Variants in STK32A observed in about 807,000 individuals in gnomAD.
STK32A encodes the protein serine/threonine kinase 32A.
Under a neutral mutation model 53.2 loss-of-function variants are expected in STK32A, and 41 were observed. The ratio of observed to expected loss-of-function variants is 0.77; its 90% confidence interval spans 0.60 to 1.00. The LOEUF (loss-of-function observed/expected upper bound fraction) is 1.00. STK32A is among the 50% of genes least tolerant of loss of function. STK32A has a pLI of 0.00. For synonymous variants in STK32A, 166 were observed against 162.8 expected (o/e 1.02, Z -0.15); for missense variants, 458 against 485.8 (o/e 0.94, Z 0.54).
intron 4 of STK32A, among the ~76,000 whole-genome samples, chr5:147,304,579 C>T (rs55668100): frequency 2.0e-5 from 3 of 152,020 alleles, no homozygotes; most frequent in Admixed American, 1.3e-4. Context: ...GGGAAAGAGA[C>T]TAGATGGAAC....
At chr5:147,343,904 T>C (rs903620196) in intron 6 of STK32A, among the ~76,000 whole-genome samples, 1 of 152,234 alleles carries the variant, frequency 6.6e-6, no homozygotes, top group Non-Finnish European at 1.5e-5. Context: ...AAGATGGTGA[T>C]AAGTGAATGC....
chr5:147,355,617 G>A (rs764578778), intron 7 of STK32A, among the ~76,000 whole-genome samples: 1 of 152,032 alleles, frequency 6.6e-6, no homozygotes, highest in Non-Finnish European at 1.5e-5. Context: ...GGCGGAGCTC[G>A]CAGTGAGCAG....
chr5:147,279,832 C>T (rs1460322600), intron 4 of STK32A, among the ~76,000 whole-genome samples: 3 of 152,106 alleles, frequency 2.0e-5, no homozygotes, highest in African/African-American at 7.2e-5. Flanking sequence ...TGATGAGGTC[C>T]TAGGTGAAAC....
At chr5:147,297,011 C>A (rs574546532) in intron 4 of STK32A, among the ~76,000 whole-genome samples, 2 of 152,188 alleles carry the variant, frequency 1.3e-5, no homozygotes, top group Non-Finnish European at 2.9e-5. Flanking sequence ...GAGGGCCTAT[C>A]TTTTATAAAT....
chr5:147,264,278 G>A (rs752410402), intron 2 of STK32A, among the ~76,000 whole-genome samples: 23 of 152,206 alleles, frequency 1.5e-4, no homozygotes, highest in Non-Finnish European at 3.2e-4. Context: ...ACCCCAGGGT[G>A]ATGGTGAAGG....
At chr5:147,323,764 T>C (rs1028800758) in intron 4 of STK32A, 134 bp from the exon 5 acceptor site, 2 of 682,468 alleles carry the variant, frequency 2.9e-6, no homozygotes, top group African/African-American at 3.6e-5. Context: ...GAGCTAGTGA[T>C]AGACCACCTA....
At chr5:147,281,397 A>T (rs923082277) in intron 4 of STK32A, among the ~76,000 whole-genome samples, 1 of 152,118 alleles carries the variant, frequency 6.6e-6, no homozygotes, top group East Asian at 1.9e-4. Context: ...GCAAATAGAT[A>T]GCTTAAAGAA....
intron 4 of STK32A, among the ~76,000 whole-genome samples, chr5:147,300,670 A>G (rs1037397290): frequency 6.6e-6 from 1 of 152,206 alleles, no homozygotes; most frequent in Admixed American, 6.5e-5. Flanking sequence ...ATACCCTCAT[A>G]TAATCATATG....
intron 2 of STK32A, among the ~76,000 whole-genome samples, chr5:147,260,240 GTCTCTC>G (rs1171109459): frequency 1.6e-5 from 1 of 64,372 alleles, no homozygotes; most frequent in African/African-American, 7.0e-5. Context: ...CTCTGTCTCT[GTCTCTC>G]TCTCTCTCCT....
chr5:147,251,454 G>A (rs1045411683), intron 2 of STK32A, among the ~76,000 whole-genome samples: 10 of 152,182 alleles, frequency 6.6e-5, no homozygotes, highest in Non-Finnish European at 1.3e-4. Flanking sequence ...CTGGACAGAG[G>A]CACAGGAAGA....
chr5:147,257,492 A>G (rs2151944954), intron 2 of STK32A, among the ~76,000 whole-genome samples: 1 of 152,322 alleles, frequency 6.6e-6, no homozygotes, highest in Middle Eastern at 3.4e-3. Flanking sequence ...ATGGTCAGCA[A>G]TAGAGCCAGT....
chr5:147,262,590 A>AG (rs1371661912), intron 2 of STK32A, among the ~76,000 whole-genome samples: 69 of 85,286 alleles, frequency 8.1e-4, no homozygotes, highest in African/African-American at 2.2e-3. Context: ...GATCAGGAAA[A>AG]AACAAAACAA....
intron 9 of STK32A, among the ~76,000 whole-genome samples, chr5:147,372,194 T>A (rs1465201586): frequency 1.3e-5 from 2 of 148,736 alleles, no homozygotes; most frequent in Non-Finnish European, 3.0e-5. Flanking sequence ...AGAACAGTTA[T>A]AGCGGGAGGT....
chr5:147,389,224 C>T (rs1283107364), downstream of STK32A, among the ~76,000 whole-genome samples: 1 of 152,210 alleles, frequency 6.6e-6, no homozygotes, highest in Non-Finnish European at 1.5e-5. Context: ...CCCGTCCCAA[C>T]TTCCACATCA....
chr5:147,255,751 A>G (rs1206767137), intron 2 of STK32A, among the ~76,000 whole-genome samples: 3 of 152,208 alleles, frequency 2.0e-5, no homozygotes, highest in Non-Finnish European at 4.4e-5. Flanking sequence ...TTCCATTAAC[A>G]GCATCTCTAG....
intron 4 of STK32A, among the ~76,000 whole-genome samples, chr5:147,292,899 G>T (rs1006076315): frequency 1.3e-5 from 2 of 152,054 alleles, no homozygotes; most frequent in African/African-American, 4.8e-5. Flanking sequence ...TATCAGTTCA[G>T]TTCCATGTAG....
At chr5:147,239,953 T>G in intron 2 of STK32A, 1 of 406,228 alleles carries the variant, frequency 2.5e-6, no homozygotes, top group East Asian at 4.4e-5. Context: ...TGGTGGATAG[T>G]TAAATGATTT....
chr5:147,337,340 A>G (rs1307918282), intron 5 of STK32A, among the ~76,000 whole-genome samples: 3 of 152,142 alleles, frequency 2.0e-5, no homozygotes, highest in Non-Finnish European at 4.4e-5. Flanking sequence ...ACAGGCATAA[A>G]TCACTTCTTA....
intron 11 of STK32A, 88 bp downstream of exon 11, chr5:147,375,306 A>G (rs776444064): frequency 6.0e-6 from 9 of 1,491,274 alleles, no homozygotes; most frequent in Non-Finnish European, 7.2e-6. Flanking sequence ...AGGTCATTTC[A>G]GCTTCCTGCT....
Sources: allele counts gnomAD v4.1 joint callset (sites outside exome capture counted in the v4.1 genomes callset), GRCh38; gene constraint gnomAD v4.1.1; transcripts MANE v1.5; gene names NCBI Gene and HGNC (gene_info 2026-07-23, HGNC 2026-07-21).